Variants in PSAP observed in about 807,000 individuals in gnomAD.
PSAP encodes the protein precursor of saposins.
In PSAP, 25 loss-of-function variants were observed where a neutral mutation model predicts 66.0. The observed-to-expected ratio is 0.38, with a 90% CI of 0.28 to 0.53. The LOEUF is 0.53. Among genes scored for constraint, PSAP ranks in the 20% least tolerant of loss-of-function variants. The pLI is 0.83. For synonymous variants in PSAP, 273 were observed against 258.9 expected (o/e 1.05, Z -0.52); for missense variants, 649 against 668.8 (o/e 0.97, Z 0.33).
chr10:71,818,519 G>T, intron 13 of PSAP, 98 bp downstream of exon 13: 2 of 1,050,022 alleles, frequency 1.9e-6, no homozygotes, highest in Non-Finnish European at 3.0e-6. Context: ...TAAAAGCAGG[G>T]TGGAGAGTTG....
intron 1 of PSAP, among the ~76,000 whole-genome samples, chr10:71,835,101 G>C (rs1332294459): frequency 6.6e-6 from 1 of 152,040 alleles, no homozygotes; most frequent in East Asian, 1.9e-4. Context: ...AATTAGCCAG[G>C]TGTGGTGGCG....
At chr10:71,846,536 C>A (rs947792686) in intron 1 of PSAP, among the ~76,000 whole-genome samples, 1 of 151,564 alleles carries the variant, frequency 6.6e-6, no homozygotes, top group Non-Finnish European at 1.5e-5. Context: ...ACCAGCCTGG[C>A]TAACATGGCA....
At chr10:71,842,441 A>T (rs1842747368) in intron 1 of PSAP, among the ~76,000 whole-genome samples, 1 of 152,242 alleles carries the variant, frequency 6.6e-6, no homozygotes. Context: ...AAACACTGAC[A>T]GTTTAACTTA....
At chr10:71,821,009 G>A (rs892712345) in intron 8 of PSAP, among the ~76,000 whole-genome samples, 6 of 152,240 alleles carry the variant, frequency 3.9e-5, no homozygotes, top group Non-Finnish European at 7.3e-5. Context: ...AGTCACATGT[G>A]GTTGGAGTGC....
intron 1 of PSAP, among the ~76,000 whole-genome samples, chr10:71,847,233 T>C (rs1404734428): frequency 2.0e-5 from 3 of 152,090 alleles, no homozygotes; most frequent in Admixed American, 1.3e-4. Context: ...GGCAGGCGGA[T>C]TACTTGAGGT....
chr10:71,829,540 C>T (rs1244345342), intron 4 of PSAP, among the ~76,000 whole-genome samples: 2 of 152,222 alleles, frequency 1.3e-5, no homozygotes, highest in African/African-American at 4.8e-5. Context: ...CTTCACCTTC[C>T]ACCATGATTT....
chr10:71,839,929 A>G (rs145305837), intron 1 of PSAP, among the ~76,000 whole-genome samples: 19 of 152,320 alleles, frequency 1.2e-4, no homozygotes, highest in African/African-American at 3.8e-4. Flanking sequence ...CAACTAATAT[A>G]CATACTTAAT....
chr10:71,835,813 C>T (rs1842611466), intron 1 of PSAP, among the ~76,000 whole-genome samples: 1 of 102,648 alleles, frequency 9.7e-6, no homozygotes, highest in Non-Finnish European at 1.8e-5. Flanking sequence ...TGACCCAAGT[C>T]TGAGACAGAA....
chr10:71,850,450 T>G (rs73279796), intron 1 of PSAP, among the ~76,000 whole-genome samples: 2,684 of 152,204 alleles, frequency 0.018, 78 homozygotes, highest in African/African-American at 0.06. Flanking sequence ...TTTGAGTTGT[T>G]TCGCCCTTCT....
chr10:71,824,770 A>G (rs1215028833), intron 7 of PSAP, among the ~76,000 whole-genome samples: 3 of 152,278 alleles, frequency 2.0e-5, no homozygotes, highest in Admixed American at 6.5e-5. Context: ...AGTATTGTCC[A>G]TATTTTCAAC....
At chr10:71,843,881 C>A (rs1842773741) in intron 1 of PSAP, among the ~76,000 whole-genome samples, 1 of 152,146 alleles carries the variant, frequency 6.6e-6, no homozygotes, top group African/African-American at 2.4e-5. Flanking sequence ...GGCAAATGTA[C>A]CATGGTTATA....
chr10:71,832,460 T>C (rs955738644), intron 2 of PSAP, among the ~76,000 whole-genome samples: 1 of 152,170 alleles, frequency 6.6e-6, no homozygotes, highest in South Asian at 2.1e-4. Flanking sequence ...CCTGCGGCCC[T>C]TGGGGAAGAA....
At chr10:71,847,223 G>C (rs12413014) in intron 1 of PSAP, among the ~76,000 whole-genome samples, 1 of 151,882 alleles carries the variant, frequency 6.6e-6, no homozygotes, top group Admixed American at 6.5e-5. Flanking sequence ...GGGAGGCCGA[G>C]GCAGGCGGAT....
chr10:71,849,673 TTC>T (rs1175990303), intron 1 of PSAP, among the ~76,000 whole-genome samples: 2 of 152,122 alleles, frequency 1.3e-5, no homozygotes, highest in African/African-American at 4.8e-5. Context: ...AGACTTTCTT[TTC>T]TCTTTTTCTT....
chr10:71,844,122 TAAC>T (rs1208013576), intron 1 of PSAP, among the ~76,000 whole-genome samples: 4 of 152,254 alleles, frequency 2.6e-5, no homozygotes, highest in Non-Finnish European at 5.9e-5. Flanking sequence ...TTGAAAGTTT[TAAC>T]AATATCAAAT....
intron 9 of PSAP, 150 bp from the exon 10 acceptor site, chr10:71,820,050 G>A (rs1842266919): frequency 1.2e-5 from 11 of 918,794 alleles, no homozygotes; most frequent in Non-Finnish European, 1.7e-5. Flanking sequence ...GCAGGGCAAT[G>A]GTGTCCACCT....
rs138217875 is a variant in PSAP, at chr10:71,819,477, A to G, written c.1338T>C (p.Pro446=). Residue 446 remains proline (P), a synonymous_variant, in exon 11 of 14, where the codon CCT becomes CCC. Transcript: ENST00000394936. ...GCCCGGGGCGTACCTGCTTCTGGTA[A>G]GGGTCTGGCAGGAAGCTGCAGCCTT... ...LEKGCSFLPD[P]YQKQCDQFVA... 2.4e-5 allele frequency: 38 copies of G among 1,614,068 alleles called. No individual in the cohort carries two copies. In the African/African-American group the frequency reaches 4.8e-4, roughly 20 times the overall value.
chr10:71,845,857 T>C (rs1421296083), intron 1 of PSAP, among the ~76,000 whole-genome samples: 1 of 152,174 alleles, frequency 6.6e-6, no homozygotes, highest in Non-Finnish European at 1.5e-5. Context: ...GACTATGAAC[T>C]GCCTGCCAAC....
chr10:71,818,205 A>G (rs1468193871), intron 13 of PSAP, among the ~76,000 whole-genome samples: 2 of 152,160 alleles, frequency 1.3e-5, no homozygotes, highest in African/African-American at 4.8e-5. Context: ...CAGGGCCTTG[A>G]GTGAGGACTC....
Sources: gnomAD v4.1 joint callset for allele counts (sites outside exome capture counted in the v4.1 genomes callset) on GRCh38, gnomAD v4.1.1 for gene constraint, MANE v1.5 for transcripts, NCBI Gene and HGNC (gene_info 2026-07-23, HGNC 2026-07-21) for gene names.